Variants in SNTG1 observed in about 807,000 individuals in gnomAD.
SNTG1 encodes the protein syntrophin gamma 1.
SNTG1 carries 39 observed loss-of-function variants against 74.7 expected under a neutral mutation model. The ratio of observed to expected loss-of-function variants is 0.52; its 90% CI spans 0.40 to 0.68. The LOEUF (loss-of-function observed/expected upper bound fraction) is 0.68. Among genes scored for constraint, SNTG1 ranks in the 30% least tolerant of loss-of-function variants. The probability of loss-of-function intolerance (pLI) is 0.00; values close to 1 mark genes in which losing one functional copy is unlikely to be tolerated. For missense variants in SNTG1, 685 were observed against 609.5 expected (o/e 1.12, Z -1.30); for synonymous variants, 254 against 217.1 (o/e 1.17, Z -1.49).
chr8:49,978,356 G>A (rs1812377429), intron 1 of SNTG1, among the ~76,000 whole-genome samples: 1 of 152,048 alleles, frequency 6.6e-6, no homozygotes, highest in South Asian at 2.1e-4. Flanking sequence ...GCTAATTAAT[G>A]ACCAAAGATG....
At chr8:50,056,807 G>A (rs532820093) in intron 1 of SNTG1, among the ~76,000 whole-genome samples, 1 of 152,202 alleles carries the variant, frequency 6.6e-6, no homozygotes, top group East Asian at 1.9e-4. Context: ...CCCCATGGAG[G>A]CAATTGGGGA....
chr8:50,597,362 C>CGTAT lies in SNTG1; in HGVS notation c.849+6445_849+6446insGTAT, dbSNP rs2094735994. 4.0e-5 allele frequency among the ~76,000 whole-genome samples: 5 copies of CGTAT among 124,478 alleles called. No homozygotes were observed. The South Asian group carries it at 7.2e-4, about 18-fold the overall frequency. The allele number at this position is 124,478 out of a possible 152,430, so 81.7% of individuals were successfully genotyped here. A position where few individuals can be genotyped will look rare whatever the true frequency, so the allele number is the denominator to read the frequency against. ...ATACATATATACACGTATATATACA[C>CGTAT]ATATACATGTATATATACACATATA... On this transcript the variant is annotated intron_variant, in intron 13 of 18. Transcript: ENST00000642720.
intron 2 of SNTG1, among the ~76,000 whole-genome samples, chr8:50,284,825 T>TATC (rs1340360657): frequency 2.0e-5 from 3 of 152,126 alleles, no homozygotes; most frequent in African/African-American, 7.2e-5. Flanking sequence ...CTAGATATAT[T>TATC]ATCTCAATAA....
chr8:50,439,001 T>C (rs1435754581), intron 5 of SNTG1, among the ~76,000 whole-genome samples: 1 of 152,182 alleles, frequency 6.6e-6, no homozygotes, highest in Non-Finnish European at 1.5e-5. Flanking sequence ...TCTGTTCATC[T>C]TGTTTATTTT....
chr8:50,672,868 G>A (rs2095291410), intron 15 of SNTG1, among the ~76,000 whole-genome samples: 2 of 152,076 alleles, frequency 1.3e-5, no homozygotes, highest in Non-Finnish European at 2.9e-5. Context: ...TTTGTTTAAG[G>A]TGTAAGGAAG....
At chr8:50,729,666 C>T (rs950019266) in intron 17 of SNTG1, among the ~76,000 whole-genome samples, 6 of 152,046 alleles carry the variant, frequency 3.9e-5, no homozygotes, top group Non-Finnish European at 1.5e-5. Context: ...GTAGTATTCA[C>T]GGCAGAGAAA....
chr8:50,590,199 A>C lies in SNTG1; in HGVS notation c.811-680A>C, dbSNP rs182241750. Reference sequence around the variant, plus strand: ...ATACCATAGAGAGTTAGCATGCTTAAGTTTCTCTACAAAGCTATTGGAAGG... The same window carrying C: ...ATACCATAGAGAGTTAGCATGCTTACGTTTCTCTACAAAGCTATTGGAAGG... On this transcript the variant is annotated intron_variant, in intron 12 of 18. Coordinates refer to ENST00000642720, the MANE Select transcript of SNTG1 (RefSeq NM_018967.5). 4.2e-3 allele frequency among the ~76,000 whole-genome samples: 647 copies of C among 152,262 alleles called. 9 individuals carry two copies. Among genetic ancestry groups the C allele is most frequent in the African/African-American group, 0.014 (585 of 41,572 alleles).
chr8:50,548,057 C>T (rs2094400402), intron 11 of SNTG1, among the ~76,000 whole-genome samples: 1 of 152,186 alleles, frequency 6.6e-6, no homozygotes, highest in East Asian at 1.9e-4. Flanking sequence ...TAGACAAGAG[C>T]AACTAAGGAC....
chr8:50,147,643 G>A (rs977003624), intron 1 of SNTG1, among the ~76,000 whole-genome samples: 5 of 152,154 alleles, frequency 3.3e-5, no homozygotes, highest in Admixed American at 6.5e-5. Context: ...AAGCCAGGAG[G>A]GATGGTGGGG....
intron 18 of SNTG1, among the ~76,000 whole-genome samples, chr8:50,790,112 T>A (rs1454639306): frequency 2.6e-5 from 4 of 151,952 alleles, no homozygotes; most frequent in Non-Finnish European, 4.4e-5. Context: ...CTTTGAGTAG[T>A]CTTTGCTGTC....
At chr8:49,992,079 G>A (rs921415356) in intron 1 of SNTG1, among the ~76,000 whole-genome samples, 6 of 152,074 alleles carry the variant, frequency 3.9e-5, no homozygotes, top group African/African-American at 1.2e-4. Context: ...CTTCCTTTGC[G>A]GGAACAGAAC....
At position 50,235,669 on chromosome 8, in the gene SNTG1, G is replaced by A. The variant is rs531466135; in HGVS notation, c.-28+63034G>A. Among the ~76,000 whole-genome samples, 406 of 152,208 alleles carry A rather than the reference G, an allele frequency of 2.7e-3. 1 individual carries two copies. The highest frequency in any genetic ancestry group is 9.2e-3 in the African/African-American group (381 of 41,542). On this transcript the variant is annotated intron_variant, in intron 2 of 18. Coordinates refer to ENST00000642720, the MANE Select transcript of SNTG1 (RefSeq NM_018967.5). ...GGGAATGTGTTGGCTAGTGGATTAC[G>A]TGTGAAGGAAAAAGCTCATTAGATA...
Position 50,790,128 on chromosome 8 carries a change from C to T in SNTG1, c.1396-2543C>T, listed in dbSNP as rs140594491. 3.0e-4 allele frequency among the ~76,000 whole-genome samples: 45 copies of T among 152,010 alleles called. No homozygotes were observed. The East Asian group carries it at 8.1e-3, about 28-fold the overall frequency. ...TTTGAGTAGTCTTTGCTGTCTCCTC[C>T]GCTTTATTTCTTGATGGTAACTGTC... is the stretch of plus-strand genomic sequence containing the variant. On this transcript the variant is annotated intron_variant, in intron 18 of 18. Coordinates refer to ENST00000642720, the MANE Select transcript of SNTG1 (RefSeq NM_018967.5).
rs945140445 is a variant in SNTG1, at chr8:50,794,280, A to G, written c.*1451A>G. 2.0e-5 allele frequency: 3 copies of G among 151,942 alleles called. No homozygotes were observed. The highest frequency in any genetic ancestry group is 4.8e-5 in the African/African-American group (2 of 41,418). 9.4% of individuals were successfully genotyped at this position (151,942 alleles called of 1,614,324 possible). On this transcript the variant is annotated 3_prime_UTR_variant, in exon 19 of 19. Coordinates refer to ENST00000642720, the MANE Select transcript of SNTG1 (RefSeq NM_018967.5). Reference sequence around the variant, plus strand: ...AAGAAGGAAACAAAGTGATTTCTATAAAGGACAGATTTACTAATTTAAAAA... The same window carrying G: ...AAGAAGGAAACAAAGTGATTTCTATGAAGGACAGATTTACTAATTTAAAAA...
At chr8:50,087,679 A>G (rs1785171552) in intron 1 of SNTG1, among the ~76,000 whole-genome samples, 1 of 152,162 alleles carries the variant, frequency 6.6e-6, no homozygotes, top group Non-Finnish European at 1.5e-5. Context: ...TATGAGGATA[A>G]TAGTGTTATT....
Position 50,054,546 on chromosome 8 carries a change from G to C in SNTG1, c.-102-118015G>C, listed in dbSNP as rs111695846. ...TTTGTTCCATATCATTTTTCATACT[G>C]TTGCCAAAATGTTCCTTCTCATGAG... On this transcript the variant is annotated intron_variant, in intron 1 of 18. Transcript: ENST00000642720. 7.2e-5 allele frequency among the ~76,000 whole-genome samples: 11 copies of C among 151,892 alleles called. 1 individual carries two copies. The highest frequency in any genetic ancestry group is 2.4e-4 in the African/African-American group (10 of 41,410).
chr8:50,791,763 G>A (rs963740183), intron 18 of SNTG1, among the ~76,000 whole-genome samples: 5 of 151,652 alleles, frequency 3.3e-5, no homozygotes, highest in African/African-American at 1.2e-4. Flanking sequence ...CTTGTGATAA[G>A]TTCATCGTAT....
At chr8:50,790,865 A>AT in intron 18 of SNTG1, among the ~76,000 whole-genome samples, 1 of 152,000 alleles carries the variant, frequency 6.6e-6, no homozygotes, top group Non-Finnish European at 1.5e-5. Context: ...AGGGTTGTTT[A>AT]TTTTTGGTAA....
intron 1 of SNTG1, among the ~76,000 whole-genome samples, chr8:49,944,115 T>C (rs1808941185): frequency 6.6e-6 from 1 of 152,204 alleles, no homozygotes; most frequent in Non-Finnish European, 1.5e-5. Flanking sequence ...TATATCCTTA[T>C]GTTGTGTACC....
Sources: allele counts gnomAD v4.1 joint callset (sites outside exome capture counted in the v4.1 genomes callset), GRCh38; gene constraint gnomAD v4.1.1; transcripts MANE v1.5; gene names NCBI Gene and HGNC (gene_info 2026-07-23, HGNC 2026-07-21).